KLF12: variants seen among roughly 807,000 people sequenced by gnomAD.
KLF12 encodes KLF transcription factor 12, also known as Krueppel-like factor 12.
Under a neutral mutation model 37.8 loss-of-function variants are expected in KLF12, and 9 were observed. The ratio of observed to expected loss-of-function variants is 0.24; its 90% CI spans 0.14 to 0.42. The LOEUF (loss-of-function observed/expected upper bound fraction) is 0.42, where lower values mean the gene tolerates loss of function less well. KLF12 is among the 10% of genes least tolerant of loss of function. The pLI is 1.00. For synonymous variants in KLF12, 208 were observed against 202.1 expected, an observed-to-expected ratio of 1.03 and a Z score of -0.25; for missense variants, 411 against 516.0, an observed-to-expected ratio of 0.80 and a Z score of 1.97.
At chr13:74,116,323 ACT>A (rs777967287) in intron 1 of KLF12, among the ~76,000 whole-genome samples, 2 of 152,106 alleles carry the variant, frequency 1.3e-5, no homozygotes, top group African/African-American at 4.8e-5. Flanking sequence ...ACAAAGAAAC[ACT>A]CTTATTCACA....
chr13:74,240,851 T>G, the KLF12 span, among the ~76,000 whole-genome samples: 2 of 145,510 alleles, frequency 1.4e-5, no homozygotes, highest in East Asian at 4.1e-4. Flanking sequence ...TCTTCTAAAT[T>G]TTTTTCAAAG....
At chr13:73,804,475 C>A (rs1399796631) in intron 5 of KLF12, among the ~76,000 whole-genome samples, 1 of 151,948 alleles carries the variant, frequency 6.6e-6, no homozygotes, top group Non-Finnish European at 1.5e-5. Context: ...CCCACCACAG[C>A]AGATAAAAAG....
At position 73,692,758 on chromosome 13, in the gene KLF12, G is replaced by C. The variant is rs984050899; in HGVS notation, c.*2732C>G. The C allele has an allele frequency of 6.6e-6, 1 of 152,628 alleles. No homozygotes were observed. The highest frequency in any genetic ancestry group is 2.4e-5 in the African/African-American group (1 of 41,448). The allele number at this position is 152,628 out of a possible 1,614,324, so 9.5% of individuals were successfully genotyped here. On this transcript the variant is annotated 3_prime_UTR_variant, in exon 8 of 8. Transcript: ENST00000377669. Reference sequence around the variant, plus strand: ...AGTTTCAGTTCCTGAGGCTAGACCAGGGACTCAATTCACTTAATTGTGCTT... The same window carrying C: ...AGTTTCAGTTCCTGAGGCTAGACCACGGACTCAATTCACTTAATTGTGCTT...
chr13:73,857,828 T>C (rs986570800), intron 3 of KLF12, among the ~76,000 whole-genome samples: 1 of 152,166 alleles, frequency 6.6e-6, no homozygotes, highest in Non-Finnish European at 1.5e-5. Flanking sequence ...GGTGTAGACA[T>C]CAACAGTTTA....
At chr13:73,801,933 T>G (rs1882299875) in intron 5 of KLF12, 1 of 152,134 alleles carries the variant, frequency 6.6e-6, no homozygotes, top group African/African-American at 2.4e-5. Flanking sequence ...TTGTTCTACT[T>G]TTTAAATTGA....
the KLF12 span, among the ~76,000 whole-genome samples, chr13:74,229,325 TA>T: frequency 6.6e-6 from 1 of 152,198 alleles, no homozygotes; most frequent in Non-Finnish European, 1.5e-5. Context: ...AATACATTCC[TA>T]AAGAGTTAAA....
chr13:74,268,272 C>T, the KLF12 span, among the ~76,000 whole-genome samples: 1 of 152,130 alleles, frequency 6.6e-6, no homozygotes, highest in Non-Finnish European at 1.5e-5. Flanking sequence ...GGACTTTTGG[C>T]AGGGTGATTA....
chr13:73,822,313 T>C (rs1433570297), intron 4 of KLF12, among the ~76,000 whole-genome samples: 1 of 152,268 alleles, frequency 6.6e-6, no homozygotes, highest in African/African-American at 2.4e-5. Flanking sequence ...TTTATTCACT[T>C]TTCAGCTAAA....
chr13:74,058,110 G>A (rs964180410), intron 1 of KLF12, among the ~76,000 whole-genome samples: 1 of 151,604 alleles, frequency 6.6e-6, no homozygotes, highest in African/African-American at 2.4e-5. Flanking sequence ...GGGAGTACAG[G>A]CATGCACCAT....
intron 3 of KLF12, among the ~76,000 whole-genome samples, chr13:73,895,762 C>T (rs1415012585): frequency 6.6e-6 from 1 of 151,564 alleles, no homozygotes; most frequent in Non-Finnish European, 1.5e-5. Context: ...ACAAGTTTTG[C>T]AGACCTAAAT....
chr13:74,187,752 C>G, the KLF12 span, among the ~76,000 whole-genome samples: 1 of 152,102 alleles, frequency 6.6e-6, no homozygotes, highest in Non-Finnish European at 1.5e-5. Context: ...ACTCAGCAAG[C>G]CTTCATTCTG....
rs5804706 is a variant in KLF12, at chr13:73,999,577, C to CAA, written c.-31-4526_-31-4525dup. 4.0e-3 allele frequency among the ~76,000 whole-genome samples: 583 copies of CAA among 145,820 alleles called. 4 individuals are homozygous for CAA. Among genetic ancestry groups the CAA allele is most frequent in the African/African-American group, 9.6e-3 (383 of 39,902 alleles). ...TGAAACCCCATCTCTACTAAAAATA[C>CAA]AAAAAAAAAAAAATTAGCCAGGCGT... is the stretch of plus-strand genomic sequence containing the variant. On this transcript the variant is annotated intron_variant, in intron 1 of 7. Transcript: ENST00000377669.
At chr13:74,068,114 G>A (rs1324179542) in intron 1 of KLF12, among the ~76,000 whole-genome samples, 1 of 152,300 alleles carries the variant, frequency 6.6e-6, no homozygotes, top group East Asian at 1.9e-4. Flanking sequence ...TTTTTAATAA[G>A]AGGTTTTTAT....
chr13:73,781,378 AG>A (rs1247309127), intron 5 of KLF12, among the ~76,000 whole-genome samples: 3 of 152,154 alleles, frequency 2.0e-5, no homozygotes, highest in Non-Finnish European at 4.4e-5. Context: ...AATATCTCTG[AG>A]GTACACCACT....
At chr13:74,057,008 A>T (rs187170028) in intron 1 of KLF12, among the ~76,000 whole-genome samples, 45 of 152,318 alleles carry the variant, frequency 3.0e-4, no homozygotes, top group South Asian at 4.1e-4. Context: ...TGCTCTGTGT[A>T]ACTCAGACTC....
intron 1 of KLF12, among the ~76,000 whole-genome samples, chr13:74,030,274 A>G (rs1399563849): frequency 6.6e-6 from 1 of 152,092 alleles, no homozygotes; most frequent in African/African-American, 2.4e-5. Flanking sequence ...GACAATAGAG[A>G]GACTACCTCT....
At chr13:73,970,991 T>A (rs898981794) in intron 2 of KLF12, among the ~76,000 whole-genome samples, 16 of 152,144 alleles carry the variant, frequency 1.1e-4, no homozygotes, top group African/African-American at 2.9e-4. Context: ...AGAGAAGGCA[T>A]CTTTGAAAAA....
the KLF12 span, among the ~76,000 whole-genome samples, chr13:74,298,433 C>G: frequency 6.6e-6 from 1 of 152,066 alleles, no homozygotes. Flanking sequence ...AGTTGTTCTG[C>G]GTTTCAAATG....
chr13:73,729,204 G>A (rs1876879547), intron 6 of KLF12, among the ~76,000 whole-genome samples: 1 of 152,146 alleles, frequency 6.6e-6, no homozygotes, highest in Non-Finnish European at 1.5e-5. Context: ...GATCAAACAA[G>A]AACTTTGCAA....
Sources: allele counts gnomAD v4.1 joint callset (sites outside exome capture counted in the v4.1 genomes callset), GRCh38; gene constraint gnomAD v4.1.1; transcripts MANE v1.5; gene names NCBI Gene and HGNC (gene_info 2026-07-23, HGNC 2026-07-21).